Variants in LGSN observed in about 807,000 individuals in gnomAD.
LGSN encodes the protein lengsin, lens protein with glutamine synthetase domain, also known as lengsin.
LGSN carries 21 observed loss-of-function variants against 19.5 expected under a neutral mutation model. The ratio of observed to expected loss-of-function variants is 1.07; its 90% CI spans 0.76 to 1.55. LGSN has a LOEUF of 1.55. Among genes scored for constraint, LGSN ranks in the 40% most tolerant of loss-of-function variants. The probability of loss-of-function intolerance (pLI) is 0.00; values close to 1 mark genes in which losing one functional copy is unlikely to be tolerated. For synonymous variants in LGSN, 257 were observed against 215.6 expected (o/e 1.19, Z -1.68); for missense variants, 673 against 608.5 (o/e 1.11, Z -1.12).
chr6:63,302,389 A>G (rs1175581373), intron 1 of LGSN, among the ~76,000 whole-genome samples: 1 of 152,188 alleles, frequency 6.6e-6, no homozygotes, highest in Admixed American at 6.5e-5. Context: ...TAAAATCCTA[A>G]AATGTTGTGT....
rs558914724 is a variant in LGSN at position 63,297,369 on chromosome 6, A to C, written c.31-2324T>G. Among the ~76,000 whole-genome samples the C allele has an allele frequency of 2.8e-3, 422 of 151,790 alleles. 3 individuals carry two copies. The highest frequency in any genetic ancestry group is 9.7e-3 in the African/African-American group (400 of 41,388). On this transcript the variant is annotated intron_variant, in intron 1 of 3. Coordinates refer to ENST00000370657, the MANE Select transcript of LGSN (RefSeq NM_016571.3). ...GCCTCGGTATCAAAAAAAAAAAAAA[A>C]AAAAGCCCAAAAACTAAGGCACAGT...
At chr6:63,361,783 C>T in the LGSN span, among the ~76,000 whole-genome samples, 9 of 152,056 alleles carry the variant, frequency 5.9e-5, no homozygotes, top group South Asian at 2.1e-4. Context: ...TGTTCCTATT[C>T]GACCATCTTG....
chr6:63,493,946 C>T, the LGSN span, among the ~76,000 whole-genome samples: 1 of 138,144 alleles, frequency 7.2e-6, no homozygotes, highest in African/African-American at 2.9e-5. Context: ...AAGAAGAAAT[C>T]ATTTCTTTTT....
the LGSN span, among the ~76,000 whole-genome samples, chr6:63,539,223 A>T: frequency 6.6e-6 from 1 of 152,160 alleles, no homozygotes; most frequent in Admixed American, 6.6e-5. Flanking sequence ...ATAATGAATA[A>T]ATTCTAACCT....
chr6:63,523,699 TA>T, the LGSN span, among the ~76,000 whole-genome samples: 1 of 152,252 alleles, frequency 6.6e-6, no homozygotes, highest in East Asian at 1.9e-4. Flanking sequence ...CACAAATTCA[TA>T]AACTCTTTTA....
the LGSN span, among the ~76,000 whole-genome samples, chr6:63,456,701 C>T: frequency 1.3e-5 from 2 of 152,114 alleles, no homozygotes; most frequent in Non-Finnish European, 2.9e-5. Flanking sequence ...TGTCACCAGA[C>T]GTAGCCTCTG....
the LGSN span, among the ~76,000 whole-genome samples, chr6:63,570,670 T>G: frequency 6.6e-6 from 1 of 152,260 alleles, no homozygotes; most frequent in Non-Finnish European, 1.5e-5. Flanking sequence ...TTTTTTGAAA[T>G]GCCATTACAT....
chr6:63,331,738 C>T, the LGSN span, among the ~76,000 whole-genome samples: 8 of 152,272 alleles, frequency 5.3e-5, no homozygotes, highest in African/African-American at 1.9e-4. Context: ...TCCTCCCAGA[C>T]CACATGGAGG....
At chr6:63,474,308 T>C in the LGSN span, among the ~76,000 whole-genome samples, 1 of 152,152 alleles carries the variant, frequency 6.6e-6, no homozygotes, top group African/African-American at 2.4e-5. Context: ...TTCATGTTTG[T>C]GTAGAAAGTG....
the LGSN span, among the ~76,000 whole-genome samples, chr6:63,373,024 A>G: frequency 6.6e-6 from 1 of 152,180 alleles, no homozygotes; most frequent in Non-Finnish European, 1.5e-5. Flanking sequence ...CCTCTGTTAC[A>G]TTAACTGCAC....
chr6:63,520,755 G>T, the LGSN span, among the ~76,000 whole-genome samples: 1 of 151,984 alleles, frequency 6.6e-6, no homozygotes, highest in Non-Finnish European at 1.5e-5. Flanking sequence ...TTATTTCCTT[G>T]TCAATATGAT....
chr6:63,506,173 A>G, the LGSN span, among the ~76,000 whole-genome samples: 1 of 152,200 alleles, frequency 6.6e-6, no homozygotes, highest in Non-Finnish European at 1.5e-5. Flanking sequence ...GTAGTTTTAA[A>G]TAAAATAAAA....
chr6:63,547,976 A>G, the LGSN span, among the ~76,000 whole-genome samples: 1 of 152,164 alleles, frequency 6.6e-6, no homozygotes. Flanking sequence ...ATTCCCTAGT[A>G]TGGAATATAA....
At chr6:63,445,268 G>A in the LGSN span, among the ~76,000 whole-genome samples, 22 of 152,176 alleles carry the variant, frequency 1.4e-4, no homozygotes, top group East Asian at 5.8e-4. Flanking sequence ...CAGAGATCGC[G>A]TCATTGCACT....
the LGSN span, among the ~76,000 whole-genome samples, chr6:63,355,249 T>A: frequency 6.6e-6 from 1 of 151,894 alleles, no homozygotes; most frequent in African/African-American, 2.4e-5. Context: ...ATATTATGTA[T>A]CAATTTAAAA....
the LGSN span, among the ~76,000 whole-genome samples, chr6:63,371,746 T>C: frequency 6.6e-6 from 1 of 152,214 alleles, no homozygotes; most frequent in African/African-American, 2.4e-5. Flanking sequence ...TATAACCCAA[T>C]ACTAATGACT....
chr6:63,426,708 T>C, the LGSN span, among the ~76,000 whole-genome samples: 1 of 152,094 alleles, frequency 6.6e-6, no homozygotes, highest in Non-Finnish European at 1.5e-5. Flanking sequence ...AGAGACAGGA[T>C]TTTGCCATGT....
the LGSN span, among the ~76,000 whole-genome samples, chr6:63,553,804 A>G: frequency 6.6e-6 from 1 of 152,198 alleles, no homozygotes; most frequent in Non-Finnish European, 1.5e-5. Flanking sequence ...ACATAACCAA[A>G]CTAAACAAAA....
the LGSN span, among the ~76,000 whole-genome samples, chr6:63,444,320 G>A: frequency 6.6e-6 from 1 of 152,164 alleles, no homozygotes; most frequent in Non-Finnish European, 1.5e-5. Flanking sequence ...ACTCAGGGAG[G>A]CTAGCTTCAA....
Sources: allele counts gnomAD v4.1 joint callset (sites outside exome capture counted in the v4.1 genomes callset), GRCh38; gene constraint gnomAD v4.1.1; transcripts MANE v1.5; gene names NCBI Gene and HGNC (gene_info 2026-07-23, HGNC 2026-07-21).